GSE1: variants seen among roughly 807,000 people sequenced by gnomAD.
The protein encoded by GSE1 is Gse1 coiled-coil protein.
GSE1 carries 32 observed loss-of-function variants against 112.6 expected under a neutral mutation model. The ratio of observed to expected loss-of-function variants is 0.28; its 90% CI spans 0.21 to 0.38. The LOEUF is 0.38. GSE1 is among the 10% of genes least tolerant of loss of function. GSE1 has a pLI of 1.00. For missense variants in GSE1, 2,348 were observed against 1,699.2 expected (o/e 1.38, Z -6.71); for synonymous variants, 1,115 against 735.6 (o/e 1.52, Z -8.35).
At chr16:85,389,231 G>A (rs1045469485) in intron 2 of GSE1, among the ~76,000 whole-genome samples, 4 of 152,046 alleles carry the variant, frequency 2.6e-5, no homozygotes, top group South Asian at 2.1e-4. Flanking sequence ...AGGCCAAGGC[G>A]GGTGGATCAC....
At chr16:85,238,763 G>A (rs936892970) in intron 1 of GSE1, among the ~76,000 whole-genome samples, 3 of 152,094 alleles carry the variant, frequency 2.0e-5, no homozygotes, top group African/African-American at 7.2e-5. Flanking sequence ...TCAGGATAGG[G>A]GGGCTCCTGT....
chr16:85,448,029 G>T (rs571844242), intron 2 of GSE1, among the ~76,000 whole-genome samples: 3 of 152,312 alleles, frequency 2.0e-5, no homozygotes, highest in Non-Finnish European at 4.4e-5. Context: ...AGCTGGGAAG[G>T]AAGCGTAGGG....
chr16:85,391,675 A>G (rs915462702), intron 2 of GSE1, among the ~76,000 whole-genome samples: 1 of 152,100 alleles, frequency 6.6e-6, no homozygotes, highest in Admixed American at 6.6e-5. Context: ...ATCTGCAAAG[A>G]CCCTGTTTCC....
Position 85,663,108 on chromosome 16 carries a change from T to TC in GSE1, c.2373+19dup, listed in dbSNP as rs775463677. The TC allele has an allele frequency of 4.5e-6, 7 of 1,540,238 alleles. No individual in the cohort carries two copies. In the East Asian group the frequency reaches 1.6e-4, roughly 35 times the overall value. On this transcript the variant is annotated intron_variant, in intron 10 of 15. Coordinates refer to ENST00000253458, the MANE Select transcript of GSE1 (RefSeq NM_014615.5). ...CGTCCTCTGAGGTACTGGGCTCTCC[T>TC]CCCCACGGACATGCTCTGGGCTGGG...
chr16:85,555,104 A>AGCCGCCGCC (rs907578368), upstream of GSE1: 1 of 984,928 alleles, frequency 1.0e-6, no homozygotes, highest in Non-Finnish European at 1.2e-6. Context: ...AGACGGAAGG[A>AGCCGCCGCC]GCCGCCGCCG....
At chr16:85,324,848 T>G (rs951507604) in intron 1 of GSE1, among the ~76,000 whole-genome samples, 1 of 152,160 alleles carries the variant, frequency 6.6e-6, no homozygotes, top group African/African-American at 2.4e-5. Context: ...AGTTTTGTTT[T>G]GGGTGATGGA....
chr16:85,659,915 G>A (rs1304259705), intron 8 of GSE1, among the ~76,000 whole-genome samples: 1 of 152,250 alleles, frequency 6.6e-6, no homozygotes, highest in African/African-American at 2.4e-5. Flanking sequence ...GGTCGCTGCA[G>A]TTGTGACAGG....
intron 1 of GSE1, among the ~76,000 whole-genome samples, chr16:85,228,043 C>A (rs2075518969): frequency 6.6e-6 from 1 of 152,116 alleles, no homozygotes; most frequent in South Asian, 2.1e-4. Flanking sequence ...GAGGAGGCAG[C>A]AGTCAAGTGG....
At chr16:85,597,221 T>C (rs1349314608) in intron 1 of GSE1, among the ~76,000 whole-genome samples, 1 of 151,648 alleles carries the variant, frequency 6.6e-6, no homozygotes, top group East Asian at 2.0e-4. Context: ...TCAGGTGATC[T>C]GCCTGCCTTG....
chr16:85,286,494 G>A (rs1012566739), intron 1 of GSE1, among the ~76,000 whole-genome samples: 20 of 152,212 alleles, frequency 1.3e-4, no homozygotes, highest in Non-Finnish European at 2.4e-4. Flanking sequence ...CCAAATGTCC[G>A]TTCCCACATG....
intron 1 of GSE1, among the ~76,000 whole-genome samples, chr16:85,351,938 C>T (rs910112771): frequency 2.6e-5 from 4 of 152,106 alleles, no homozygotes. Context: ...TGCAGTGAGC[C>T]GAGATCGCAC....
At chr16:85,446,275 C>A (rs1269257634) in intron 2 of GSE1, among the ~76,000 whole-genome samples, 2 of 152,194 alleles carry the variant, frequency 1.3e-5, no homozygotes, top group Non-Finnish European at 2.9e-5. Context: ...AGCTCTGGGA[C>A]CAGATGGTCT....
intron 13 of GSE1, 59 bp downstream of exon 13, chr16:85,666,406 G>T: frequency 6.3e-7 from 1 of 1,581,082 alleles, no homozygotes; most frequent in Non-Finnish European, 8.7e-7. Flanking sequence ...GACCAAAGTT[G>T]CTGAGCGCCA....
exon 1 of GSE1, chr16:85,170,173 C>G: frequency 1.0e-6 from 1 of 985,298 alleles, no homozygotes; most frequent in Non-Finnish European, 1.2e-6. Context: ...GAGGCCGGCT[C>G]CGGGACCCGC....
At chr16:85,552,971 T>C (rs1291576371), upstream of GSE1, among the ~76,000 whole-genome samples, 2 of 152,264 alleles carry the variant, frequency 1.3e-5, no homozygotes, top group African/African-American at 4.8e-5. Context: ...CTGTTGTTCG[T>C]GTAATCCCGG....
At chr16:85,563,650 C>G (rs1239510344) in intron 1 of GSE1, among the ~76,000 whole-genome samples, 3 of 152,262 alleles carry the variant, frequency 2.0e-5, no homozygotes, top group Non-Finnish European at 4.4e-5. Flanking sequence ...CCTCTGCTCC[C>G]TCCCACAGTG....
chr16:85,465,985 T>A (rs1429021178), intron 2 of GSE1, among the ~76,000 whole-genome samples: 4 of 152,244 alleles, frequency 2.6e-5, no homozygotes, highest in African/African-American at 7.2e-5. Context: ...TGCCTTAAAA[T>A]TGTTTCCAAG....
intron 1 of GSE1, among the ~76,000 whole-genome samples, chr16:85,590,349 G>T (rs1356713227): frequency 6.7e-6 from 1 of 150,098 alleles, no homozygotes; most frequent in Non-Finnish European, 1.5e-5. Flanking sequence ...TAACGCGTGG[G>T]CCTGCTTGTG....
intron 2 of GSE1, among the ~76,000 whole-genome samples, chr16:85,508,188 C>CATG (rs1028573438): frequency 2.6e-5 from 4 of 152,182 alleles, no homozygotes; most frequent in African/African-American, 9.7e-5. Context: ...CATGCGTCAC[C>CATG]ACGCCCAGCT....
Sources: gnomAD v4.1 joint callset for allele counts (sites outside exome capture counted in the v4.1 genomes callset) on GRCh38, gnomAD v4.1.1 for gene constraint, MANE v1.5 for transcripts, NCBI Gene and HGNC (gene_info 2026-07-23, HGNC 2026-07-21) for gene names.